Variants in CCDC7 observed in about 807,000 individuals in gnomAD.
The protein encoded by CCDC7 is coiled-coil domain-containing protein 7.
A neutral mutation model predicts 196.9 loss-of-function variants in CCDC7; 183 were observed. The observed-to-expected ratio is 0.93, with a 90% CI of 0.82 to 1.05. The LOEUF is 1.05. Among genes scored for constraint, CCDC7 ranks in the 50% least tolerant of loss-of-function variants. CCDC7 has a pLI of 0.00. For missense variants in CCDC7, 1,540 were observed against 1,482.2 expected, an observed-to-expected ratio of 1.04 and a Z score of -0.64; for synonymous variants, 525 against 484.6, an observed-to-expected ratio of 1.08 and a Z score of -1.10.
At chr10:32,559,143 T>G (rs2054904038) in intron 13 of CCDC7, among the ~76,000 whole-genome samples, 1 of 152,228 alleles carries the variant, frequency 6.6e-6, no homozygotes, top group African/African-American at 2.4e-5. Context: ...CCAGGCTTGC[T>G]TAGGTAAACA....
intron 13 of CCDC7, among the ~76,000 whole-genome samples, chr10:32,544,756 C>T (rs753251641): frequency 3.3e-5 from 5 of 152,044 alleles, no homozygotes; most frequent in African/African-American, 4.8e-5. Flanking sequence ...TAAGATGCAA[C>T]GAAAAACTTC....
intron 18 of CCDC7, among the ~76,000 whole-genome samples, chr10:32,587,268 A>T (rs1295367699): frequency 6.6e-6 from 1 of 152,154 alleles, no homozygotes; most frequent in Non-Finnish European, 1.5e-5. Context: ...AGACTGGCTA[A>T]TATAAAGAAA....
chr10:32,769,712 ATGAG>A (rs957413379), intron 28 of CCDC7, among the ~76,000 whole-genome samples: 1 of 146,436 alleles, frequency 6.8e-6, no homozygotes, highest in Non-Finnish European at 1.5e-5. Flanking sequence ...ACTCCCACTT[ATGAG>A]TGAGAACATG....
chr10:32,562,601 A>G (rs1269215995), intron 13 of CCDC7, among the ~76,000 whole-genome samples: 3 of 152,094 alleles, frequency 2.0e-5, no homozygotes, highest in African/African-American at 4.8e-5. Context: ...AAATTCAACA[A>G]CGCTTCATGC....
intron 28 of CCDC7, among the ~76,000 whole-genome samples, chr10:32,740,579 G>A (rs2085658989): frequency 6.6e-6 from 1 of 152,160 alleles, no homozygotes; most frequent in Non-Finnish European, 1.5e-5. Flanking sequence ...TGAAGGGGTG[G>A]TCCTGGAACT....
At chr10:32,454,952 CA>C (rs1212120456) in intron 2 of CCDC7, among the ~76,000 whole-genome samples, 1 of 152,154 alleles carries the variant, frequency 6.6e-6, no homozygotes, top group African/African-American at 2.4e-5. Context: ...CTTACTTACC[CA>C]GCTTAAATAG....
chr10:32,674,191 G>T (rs1453756424), intron 21 of CCDC7, among the ~76,000 whole-genome samples: 1 of 150,816 alleles, frequency 6.6e-6, no homozygotes, highest in Non-Finnish European at 1.5e-5. Flanking sequence ...AAGTTAGGTT[G>T]TTCATTTGAA....
chr10:32,806,513 T>C (rs539510821), intron 30 of CCDC7, among the ~76,000 whole-genome samples: 1 of 152,292 alleles, frequency 6.6e-6, no homozygotes, highest in Admixed American at 6.5e-5. Flanking sequence ...ATGACAATGT[T>C]TCATCAAATA....
intron 41 of CCDC7, among the ~76,000 whole-genome samples, chr10:32,864,150 A>C (rs1323314331): frequency 6.6e-6 from 1 of 151,926 alleles, no homozygotes; most frequent in South Asian, 2.1e-4. Flanking sequence ...CAAAAATGGC[A>C]TCAGTAATCC....
chr10:32,820,294 T>C (rs535311620), intron 31 of CCDC7, among the ~76,000 whole-genome samples: 1 of 152,234 alleles, frequency 6.6e-6, no homozygotes, highest in South Asian at 2.1e-4. Context: ...TACAAACTAC[T>C]GCTCAGTGAA....
chr10:32,706,614 G>A (rs569155414), intron 24 of CCDC7, among the ~76,000 whole-genome samples: 52 of 151,550 alleles, frequency 3.4e-4, no homozygotes, highest in Non-Finnish European at 6.2e-4. Flanking sequence ...TCAAATAGAC[G>A]CAATAAAAAA....
intron 29 of CCDC7, among the ~76,000 whole-genome samples, chr10:32,792,670 A>G (rs1212967022): frequency 1.3e-5 from 2 of 152,030 alleles, no homozygotes; most frequent in South Asian, 2.1e-4. Flanking sequence ...GTGTGGTGGC[A>G]TACGCTTGTA....
At chr10:32,827,116 G>C (rs1316502200) in intron 32 of CCDC7, among the ~76,000 whole-genome samples, 1 of 152,178 alleles carries the variant, frequency 6.6e-6, no homozygotes, top group Admixed American at 6.5e-5. Context: ...GACCCATTCT[G>C]TGGACACCAC....
intron 9 of CCDC7, among the ~76,000 whole-genome samples, chr10:32,497,638 T>C (rs2043124675): frequency 6.6e-6 from 1 of 152,246 alleles, no homozygotes; most frequent in African/African-American, 2.4e-5. Context: ...CCTGCCTTCA[T>C]TTCATTATGT....
At chr10:32,749,286 G>A (rs2075306428) in intron 28 of CCDC7, among the ~76,000 whole-genome samples, 1 of 152,054 alleles carries the variant, frequency 6.6e-6, no homozygotes, top group South Asian at 2.1e-4. Context: ...AAATTGGAAG[G>A]TCCGTTTAAA....
chr10:32,551,369 T>G (rs1045065704), intron 13 of CCDC7, among the ~76,000 whole-genome samples: 2 of 152,114 alleles, frequency 1.3e-5, no homozygotes, highest in African/African-American at 4.8e-5. Flanking sequence ...TCATTTATCT[T>G]TTGTATTGTT....
intron 13 of CCDC7, among the ~76,000 whole-genome samples, chr10:32,562,497 A>G (rs1259385031): frequency 2.0e-5 from 3 of 152,232 alleles, no homozygotes; most frequent in African/African-American, 7.2e-5. Context: ...CTGGTTCAAT[A>G]TATGCAAATC....
intron 9 of CCDC7, among the ~76,000 whole-genome samples, chr10:32,496,763 C>G: frequency 6.6e-6 from 1 of 152,134 alleles, no homozygotes; most frequent in East Asian, 1.9e-4. Context: ...GGTGGACAAG[C>G]TTTTTGATGT....
At chr10:32,565,426 G>C in intron 13 of CCDC7, 132 bp from the exon 15 acceptor site, 1 of 805,182 alleles carries the variant, frequency 1.2e-6, no homozygotes, top group African/African-American at 1.7e-5. Flanking sequence ...ACACTTGAGA[G>C]ATGTGCAGTT....
Sources: allele counts gnomAD v4.1 joint callset (sites outside exome capture counted in the v4.1 genomes callset), GRCh38; gene constraint gnomAD v4.1.1; transcripts MANE v1.5; gene names NCBI Gene and HGNC (gene_info 2026-07-23, HGNC 2026-07-21).